Variants in EYS observed in about 807,000 individuals in gnomAD.
EYS encodes the protein EGF-like photoreceptor maintenance factor.
In EYS, 250 loss-of-function variants were observed where a neutral mutation model predicts 282.1. The observed-to-expected ratio is 0.89, with a 90% CI of 0.80 to 0.98. The LOEUF is 0.98. Ranked by LOEUF, EYS falls within the 50% of genes least tolerant of loss-of-function variation. EYS has a pLI of 0.00. For missense variants in EYS, 4,016 were observed against 3,709.0 expected, an observed-to-expected ratio of 1.08 and a Z score of -2.15; for synonymous variants, 1,355 against 1,282.9, an observed-to-expected ratio of 1.06 and a Z score of -1.20.
intron 35 of EYS, among the ~76,000 whole-genome samples, chr6:63,892,381 T>A (rs1446748641): frequency 6.6e-6 from 1 of 151,876 alleles, no homozygotes; most frequent in Admixed American, 6.6e-5. Context: ...CCAAAACACA[T>A]ACATAGACCA....
intron 35 of EYS, among the ~76,000 whole-genome samples, chr6:63,910,794 A>C (rs150673730): frequency 2.0e-5 from 3 of 152,332 alleles, no homozygotes; most frequent in African/African-American, 7.2e-5. Flanking sequence ...GAGAGAGTTA[A>C]AATATTTATA....
intron 19 of EYS, among the ~76,000 whole-genome samples, chr6:64,843,206 T>C (rs1289543716): frequency 6.6e-6 from 1 of 152,134 alleles, no homozygotes; most frequent in Non-Finnish European, 1.5e-5. Flanking sequence ...AGAGAACCTC[T>C]GCTAGGGCAT....
At position 65,384,443 on chromosome 6, in the gene EYS, C is replaced by A. The variant is rs373163456; in HGVS notation, c.1242G>T (p.Leu414=). Reference sequence around the variant, plus strand: ...CTTCATTCAGACAGTTGATGCTGAGCAGTTTACAGTGGTCAATTGCTTTCT... The same window carrying A: ...CTTCATTCAGACAGTTGATGCTGAGAAGTTTACAGTGGTCAATTGCTTTCT... The part of the protein sequence containing the change: ...NCEKAIDHCK[L]LSINCLNEEW... Residue 414 remains leucine, a synonymous_variant, in exon 8 of 43, where the codon CTG becomes CTT. Transcript: ENST00000503581. The A allele has an allele frequency of 1.2e-6, 2 of 1,609,472 alleles. No homozygotes were observed. The highest frequency in any genetic ancestry group is 1.7e-6 in the Non-Finnish European group (2 of 1,177,658).
At chr6:65,044,759 G>A (rs1773049499) in intron 13 of EYS, among the ~76,000 whole-genome samples, 1 of 151,752 alleles carries the variant, frequency 6.6e-6, no homozygotes, top group South Asian at 2.1e-4. Flanking sequence ...TTCCCTATGT[G>A]TGTGTCATTC....
At chr6:64,592,871 G>A (rs1292642176) in intron 25 of EYS, among the ~76,000 whole-genome samples, 2 of 151,946 alleles carry the variant, frequency 1.3e-5, no homozygotes, top group African/African-American at 2.4e-5. Flanking sequence ...TTGTCTATTC[G>A]AATTTACACA....
intron 13 of EYS, among the ~76,000 whole-genome samples, chr6:65,005,885 C>A (rs568426571): frequency 1.3e-5 from 2 of 152,348 alleles, no homozygotes; most frequent in Admixed American, 1.3e-4. Flanking sequence ...TGACCCACAC[C>A]TCCTGGGTCC....
At position 63,721,808 on chromosome 6, in the gene EYS, G is replaced by A. The variant is rs933127002; in HGVS notation, c.8234-11C>T. On this transcript the variant is annotated splice_polypyrimidine_tract_variant and intron_variant, in intron 42 of 42. Transcript: ENST00000503581. ...TGCATAAAAAATCACCTGCAAGAAA[G>A]CAAACAGTAAGTTTGATTAGCAACA... 9.1e-6 allele frequency: 14 copies of A among 1,535,576 alleles called. No homozygotes were observed. Among genetic ancestry groups the A allele is most frequent in the Non-Finnish European group, 1.2e-5 (14 of 1,139,598 alleles).
intron 13 of EYS, among the ~76,000 whole-genome samples, chr6:65,021,077 C>G (rs1772240346): frequency 6.6e-6 from 1 of 152,194 alleles, no homozygotes. Flanking sequence ...AGGCCTCTGA[C>G]ATGTCCTAGA....
chr6:64,435,076 G>A (rs146020249), intron 28 of EYS, among the ~76,000 whole-genome samples: 1 of 152,046 alleles, frequency 6.6e-6, no homozygotes, highest in African/African-American at 2.4e-5. Context: ...ACTGCCCCCA[G>A]CATTTGTTAT....
intron 31 of EYS, among the ~76,000 whole-genome samples, chr6:64,151,126 A>C (rs1413256880): frequency 6.6e-6 from 1 of 151,506 alleles, no homozygotes; most frequent in Non-Finnish European, 1.5e-5. Flanking sequence ...AGAAATAGAC[A>C]ATACAAAGGT....
intron 26 of EYS, 23 bp downstream of exon 26, chr6:64,590,200 T>C: frequency 6.7e-7 from 1 of 1,497,446 alleles, no homozygotes; most frequent in Non-Finnish European, 8.9e-7. Context: ...AAAAGTTTAC[T>C]GAACAGAAAC....
chr6:64,122,482 T>G (rs1448129312), intron 31 of EYS, among the ~76,000 whole-genome samples: 1 of 152,086 alleles, frequency 6.6e-6, no homozygotes, highest in Non-Finnish European at 1.5e-5. Context: ...CATTTTATGG[T>G]ATTAAGAAAG....
At chr6:64,481,274 G>A (rs977982657) in intron 26 of EYS, among the ~76,000 whole-genome samples, 4 of 140,620 alleles carry the variant, frequency 2.8e-5, no homozygotes, top group East Asian at 2.0e-4. Flanking sequence ...GTGTGTGTGT[G>A]TATATATATA....
At chr6:64,622,007 AC>A (rs1767460238) in intron 23 of EYS, among the ~76,000 whole-genome samples, 1 of 152,168 alleles carries the variant, frequency 6.6e-6, no homozygotes, top group South Asian at 2.1e-4. Flanking sequence ...TCTATAAAAA[AC>A]ATCTGAATAC....
At chr6:65,126,268 A>G (rs1775715962) in intron 12 of EYS, among the ~76,000 whole-genome samples, 1 of 152,156 alleles carries the variant, frequency 6.6e-6, no homozygotes, top group Non-Finnish European at 1.5e-5. Flanking sequence ...TTCAATGACA[A>G]TAAGACTTTA....
chr6:64,184,034 G>A (rs1290302459), intron 31 of EYS, among the ~76,000 whole-genome samples: 1 of 152,104 alleles, frequency 6.6e-6, no homozygotes, highest in African/African-American at 2.4e-5. Context: ...GTGATAGGAA[G>A]TGACCCTGAG....
At chr6:64,533,005 C>A (rs914070173) in intron 26 of EYS, among the ~76,000 whole-genome samples, 1 of 152,000 alleles carries the variant, frequency 6.6e-6, no homozygotes, top group South Asian at 2.1e-4. Context: ...CAAGGTATGT[C>A]AACAGAGATT....
intron 2 of EYS, among the ~76,000 whole-genome samples, chr6:65,547,058 GA>G (rs1768418987): frequency 6.6e-6 from 1 of 151,706 alleles, no homozygotes; most frequent in South Asian, 2.1e-4. Context: ...ATGCCACTAC[GA>G]AAAAACTGCC....
intron 26 of EYS, among the ~76,000 whole-genome samples, chr6:64,543,331 G>A (rs73767335): frequency 5.9e-5 from 9 of 152,010 alleles, no homozygotes; most frequent in Non-Finnish European, 1.2e-4. Context: ...TATTAAAATG[G>A]AGGTAAATTA....
Sources: gnomAD v4.1 joint callset for allele counts (sites outside exome capture counted in the v4.1 genomes callset) on GRCh38, gnomAD v4.1.1 for gene constraint, MANE v1.5 for transcripts, NCBI Gene and HGNC (gene_info 2026-07-23, HGNC 2026-07-21) for gene names.